SCAMP4: variants seen among roughly 807,000 people sequenced by gnomAD.
SCAMP4 encodes secretory carrier-associated membrane protein 4.
SCAMP4 carries 19 observed loss-of-function variants against 32.1 expected under a neutral mutation model. The ratio of observed to expected loss-of-function variants is 0.59; its 90% CI spans 0.41 to 0.87. The LOEUF (loss-of-function observed/expected upper bound fraction) is 0.87. Ranked by LOEUF, SCAMP4 falls within the 40% of genes least tolerant of loss-of-function variation. SCAMP4 has a pLI of 0.00. For missense variants in SCAMP4, 302 were observed against 309.0 expected, an observed-to-expected ratio of 0.98 and a Z score of 0.17; for synonymous variants, 152 against 132.7, an observed-to-expected ratio of 1.15 and a Z score of -1.00.
chr19:1,923,058 T>C lies in SCAMP4; in HGVS notation c.396-12T>C, dbSNP rs891904104. The C allele has an allele frequency of 1.3e-6, 2 of 1,545,774 alleles. No homozygotes were observed. Among genetic ancestry groups the C allele is most frequent in the Admixed American group, 4.0e-5 (2 of 50,530 alleles). ...GTGTGCAGGCACCCACGCACTCTCT[T>C]GTCCCTTGCAGCGGCTGGCTGTCGG... On this transcript the variant is annotated splice_polypyrimidine_tract_variant and intron_variant, in intron 5 of 6. Coordinates refer to ENST00000316097, the MANE Select transcript of SCAMP4 (RefSeq NM_079834.4).
At chr19:1,909,571 T>TTCACCTGTGCCAGCAGCAGGGATGTCC (rs58830313) in intron 1 of SCAMP4, among the ~76,000 whole-genome samples, 5 of 151,756 alleles carry the variant, frequency 3.3e-5, no homozygotes, top group African/African-American at 1.2e-4. Context: ...CTGGGATGTC[T>TTCACCTGTGCCAGCAGCAGGGATGTCC]TCACCTGTGC....
intron 1 of SCAMP4, among the ~76,000 whole-genome samples, chr19:1,907,355 C>T (rs1298844798): frequency 6.6e-6 from 1 of 150,966 alleles, no homozygotes; most frequent in Non-Finnish European, 1.5e-5. Context: ...CCCCTCCATC[C>T]CCCCATTTTC....
At position 1,908,232 on chromosome 19, in the gene SCAMP4, C is replaced by T. The variant is rs1179975606; in HGVS notation, c.-42+2793C>T. The T allele has an allele frequency of 3.5e-5, 10 of 282,008 alleles. No homozygotes were observed. In the East Asian group the frequency reaches 1.1e-3, roughly 31 times the overall value. 17.5% of individuals were successfully genotyped at this position (282,008 alleles called of 1,614,324 possible). A position where few individuals can be genotyped will look rare whatever the true frequency, so the allele number is the denominator to read the frequency against. On this transcript the variant is annotated intron_variant, in intron 1 of 6. Coordinates refer to ENST00000316097, the MANE Select transcript of SCAMP4 (RefSeq NM_079834.4). The surrounding 1 kb of genome is among the most constrained non-coding windows in gnomAD (Gnocchi z 4.2). ...GGCCTCGGGCAGCGGCAGCACCTGG[C>T]GCTGCCTCCGCGCTTCCTGCTCCCG...
intron 5 of SCAMP4, chr19:1,920,651 C>T: frequency 1.0e-6 from 1 of 985,568 alleles, no homozygotes; most frequent in Non-Finnish European, 1.2e-6. Flanking sequence ...CCTGCAGAGG[C>T]TGTGGCTGCA....
At chr19:1,912,706 C>T (rs777535997) in intron 1 of SCAMP4, 48 of 1,503,194 alleles carry the variant, frequency 3.2e-5, no homozygotes, top group Non-Finnish European at 3.8e-5. Flanking sequence ...GACCCGGCCT[C>T]GGACCGCGTG....
At position 1,918,172 on chromosome 19, in the gene SCAMP4, G is replaced by A. The variant is rs924241882; in HGVS notation, c.182G>A (p.Trp61Ter). The A allele has an allele frequency of 6.2e-7, 1 of 1,612,956 alleles. No homozygotes were observed. Among genetic ancestry groups the A allele is most frequent in the Non-Finnish European group, 8.5e-7 (1 of 1,179,814 alleles). Residue 61 changes from tryptophan (W) to a stop codon, truncating the protein, a stop_gained, in exon 4 of 7, where the codon TGG (tryptophan) becomes TAG (stop). Coordinates refer to ENST00000316097, the MANE Select transcript of SCAMP4 (RefSeq NM_079834.4). LOFTEE classifies it high-confidence loss of function. ...LGVNLIACLA[W>*]WIGGGSGTNF... Reference sequence around the variant, plus strand: ...GTCAACCTCATTGCCTGCCTGGCCTGGTGGATCGGCGGAGGCTCGGGGACC... The same window carrying A: ...GTCAACCTCATTGCCTGCCTGGCCTAGTGGATCGGCGGAGGCTCGGGGACC...
intron 2 of SCAMP4, among the ~76,000 whole-genome samples, chr19:1,916,058 G>A (rs2013723623): frequency 6.6e-6 from 1 of 151,862 alleles, no homozygotes; most frequent in African/African-American, 2.4e-5. Flanking sequence ...AGCCTGGACA[G>A]CATAGTGAAA....
At chr19:1,920,450 C>T (rs1009332777) in intron 5 of SCAMP4, 10 of 614,434 alleles carry the variant, frequency 1.6e-5, no homozygotes, top group Admixed American at 6.3e-5. Flanking sequence ...CCTGCACCTG[C>T]GCCTGGCGCC....
At chr19:1,917,555 CT>C (rs2013773087) in intron 2 of SCAMP4, 138 bp from the exon 3 acceptor site, 1 of 878,898 alleles carries the variant, frequency 1.1e-6, no homozygotes, top group Non-Finnish European at 1.7e-6. Flanking sequence ...CCTCTCCTGT[CT>C]CAGCGTCCTG....
At chr19:1,918,833 C>T (rs1181657752) in intron 4 of SCAMP4, 56 bp from the exon 5 acceptor site, 22 of 1,559,522 alleles carry the variant, frequency 1.4e-5, no homozygotes, top group Middle Eastern at 1.7e-4. Context: ...CCTCTCTAGG[C>T]GCGTCTGGGA....
chr19:1,924,581 G>A lies in SCAMP4; in HGVS notation c.*297G>A, dbSNP rs992528630. Reference sequence around the variant, plus strand: ...CCGCCGTCCACTGCACGGCTGGTACGGCCTTGTCTTCAGGTCTCGAGGCCT... The same window carrying A: ...CCGCCGTCCACTGCACGGCTGGTACAGCCTTGTCTTCAGGTCTCGAGGCCT... On this transcript the variant is annotated 3_prime_UTR_variant, in exon 7 of 7. Transcript: ENST00000316097. 14 of 414,204 alleles carry A rather than the reference G, an allele frequency of 3.4e-5. No individual in the cohort carries two copies. The highest frequency in any genetic ancestry group is 5.0e-5 in the Non-Finnish European group (11 of 219,062). The allele number at this position is 414,204 out of a possible 1,614,324, so 25.7% of individuals were successfully genotyped here.
chr19:1,912,129 A>G (rs1047307833), intron 1 of SCAMP4: 20 of 1,553,598 alleles, frequency 1.3e-5, no homozygotes, highest in Non-Finnish European at 1.7e-5. Context: ...GGAGCAGCCC[A>G]AGTGCTTGGA....
At chr19:1,912,404 G>C (rs1257337259) in intron 1 of SCAMP4, 6 of 1,514,848 alleles carry the variant, frequency 4.0e-6, no homozygotes, top group Non-Finnish European at 5.3e-6. Flanking sequence ...CCTCGGGCCC[G>C]CGCTCGCTGG....
intron 1 of SCAMP4, chr19:1,913,031 G>T (rs374083050): frequency 6.2e-6 from 10 of 1,604,020 alleles, no homozygotes; most frequent in Non-Finnish European, 8.5e-6. Flanking sequence ...GTGCGCCCTC[G>T]CCCGACGGCG....
intron 5 of SCAMP4, chr19:1,922,349 T>C: frequency 1.2e-6 from 1 of 823,406 alleles, no homozygotes; most frequent in Non-Finnish European, 1.5e-6. Flanking sequence ...AGCCTCCCGC[T>C]TCAGCCTCCC....
chr19:1,905,408 C>A lies in SCAMP4; in HGVS notation c.-73C>A, dbSNP rs1282669466. ...GGCCGGGCCGGTTGCTAAGACTTGG[C>A]GAAGCGCTGCGCTCGCGCCCGGATC... On this transcript the variant is annotated 5_prime_UTR_variant, in exon 1 of 7. Coordinates refer to ENST00000316097, the MANE Select transcript of SCAMP4 (RefSeq NM_079834.4). The A allele has an allele frequency of 4.3e-6, 2 of 463,612 alleles. No homozygotes were observed. Among genetic ancestry groups the A allele is most frequent in the East Asian group, 1.5e-4 (2 of 13,618 alleles). 28.7% of individuals were successfully genotyped at this position (463,612 alleles called of 1,614,324 possible).
rs1211349538 is a variant in SCAMP4, at chr19:1,918,179, C to G, written c.189C>G (p.Ile63Met). ...VNLIACLAWW[I>M]GGGSGTNFGL... ...TCATTGCCTGCCTGGCCTGGTGGAT[C>G]GGCGGAGGCTCGGGGACCAACTTCG... Residue 63 changes from isoleucine to methionine, a missense_variant, in exon 4 of 7, where the codon ATC becomes ATG. Ile to Met is a conservative substitution (Grantham distance 10). Transcript: ENST00000316097. The G allele has an allele frequency of 6.2e-7, 1 of 1,612,886 alleles. No homozygotes were observed. The highest frequency in any genetic ancestry group is 8.5e-7 in the Non-Finnish European group (1 of 1,179,816).
intron 5 of SCAMP4, chr19:1,920,877 A>C: frequency 1.0e-6 from 1 of 985,450 alleles, no homozygotes; most frequent in Non-Finnish European, 1.2e-6. Context: ...TGACCCTCAG[A>C]GACCTCCCTG....
chr19:1,911,387 G>T (rs2013438491), intron 1 of SCAMP4, among the ~76,000 whole-genome samples: 1 of 150,810 alleles, frequency 6.6e-6, no homozygotes, highest in South Asian at 2.1e-4. Flanking sequence ...GCCTAGGCTG[G>T]TCTTAAACTC....
Sources: gnomAD v4.1 joint callset for allele counts (sites outside exome capture counted in the v4.1 genomes callset) on GRCh38, gnomAD v4.1.1 for gene constraint, Gnocchi (gnomAD v3.1) non-coding constraint, MANE v1.5 for transcripts, NCBI Gene and HGNC (gene_info 2026-07-23, HGNC 2026-07-21) for gene names.